Variants in SYT2 observed in about 807,000 individuals in gnomAD.
The protein encoded by SYT2 is synaptotagmin-2.
Under a neutral mutation model 39.9 loss-of-function variants are expected in SYT2, and 15 were observed. That is an observed-to-expected ratio of 0.38 (90% CI 0.25 to 0.58). The LOEUF (loss-of-function observed/expected upper bound fraction) is 0.58, where lower values mean the gene tolerates loss of function less well. Among genes scored for constraint, SYT2 ranks in the 20% least tolerant of loss-of-function variants. SYT2 has a pLI of 0.70. For missense variants in SYT2, 389 were observed against 530.3 expected, an observed-to-expected ratio of 0.73 and a Z score of 2.62; for synonymous variants, 181 against 204.5, an observed-to-expected ratio of 0.89 and a Z score of 0.98.
intron 1 of SYT2, among the ~76,000 whole-genome samples, chr1:202,612,911 T>C (rs2149077542): frequency 6.6e-6 from 1 of 152,236 alleles, no homozygotes; most frequent in South Asian, 2.1e-4. Flanking sequence ...TTGCACTTCT[T>C]TTGTTCCTAG....
At position 202,595,701 on chromosome 1, in the gene SYT2, G is replaced by A. The variant is rs1383070177; in HGVS notation, c.*1056C>T. 1 of 152,238 alleles carries A rather than the reference G, an allele frequency of 6.6e-6. No homozygotes were observed. The highest frequency in any genetic ancestry group is 1.5e-5 in the Non-Finnish European group (1 of 68,050). 9.4% of individuals were successfully genotyped at this position (152,238 alleles called of 1,614,324 possible). On this transcript the variant is annotated 3_prime_UTR_variant, in exon 9 of 9. Coordinates refer to ENST00000367268, the MANE Select transcript of SYT2 (RefSeq NM_177402.5). ...AGAGAAACAGAAGCAAAAGCACAATGGGGAATAAATGCAAATGAACTTGGC... is the reference window on the plus strand; with the variant it reads ...AGAGAAACAGAAGCAAAAGCACAATAGGGAATAAATGCAAATGAACTTGGC...
intron 4 of SYT2, 50 bp downstream of exon 4, chr1:202,602,949 C>T: frequency 6.3e-7 from 1 of 1,588,700 alleles, no homozygotes. Context: ...CCACCCAACT[C>T]CCAGGCCTCT....
intron 8 of SYT2, 22 bp from the exon 9 acceptor site, chr1:202,596,985 G>A (rs763536534): frequency 6.2e-7 from 1 of 1,605,938 alleles, no homozygotes; most frequent in Non-Finnish European, 8.5e-7. Flanking sequence ...ACGAGGGAGG[G>A]AGTTGGCAGA....
Position 202,604,456 on chromosome 1 carries a change from T to G in SYT2, c.344A>C (p.Gln115Pro). 6.2e-7 allele frequency: 1 copy of G among 1,614,110 alleles called. No homozygotes were observed. Among genetic ancestry groups the G allele is most frequent in the Non-Finnish European group, 8.5e-7 (1 of 1,179,950 alleles). ...AMNMKDMKGG[Q>P]DDDDAETGLT... Reference sequence around the variant, plus strand: ...CCCCTCACAACCAATGTGCCCTACCTGACCCCCTTTCATGTCCTTCATGTT... The same window carrying G: ...CCCCTCACAACCAATGTGCCCTACCGGACCCCCTTTCATGTCCTTCATGTT... The change falls in exon 3 of 9, where the codon CAG becomes CCG. Residue 115 changes from glutamine to proline, a missense_variant and splice_region_variant. This residue lies in a region of SYT2 where 280 missense variants were observed against 335.6 expected (regional missense o/e 0.83). Transcript: ENST00000367268.
intron 1 of SYT2, among the ~76,000 whole-genome samples, chr1:202,677,077 G>A (rs1653395855): frequency 6.6e-6 from 1 of 152,154 alleles, no homozygotes; most frequent in African/African-American, 2.4e-5. Flanking sequence ...CACGATTGTA[G>A]ATTTCCTGAG....
chr1:202,612,273 C>T (rs945059266), intron 1 of SYT2, among the ~76,000 whole-genome samples: 1 of 152,090 alleles, frequency 6.6e-6, no homozygotes, highest in East Asian at 1.9e-4. Flanking sequence ...CAATACCACA[C>T]TGATTTTTTT....
chr1:202,629,091 A>C lies in SYT2; in HGVS notation c.-17-23302T>G, dbSNP rs188327045. Among the ~76,000 whole-genome samples, 405 of 152,260 alleles carry C rather than the reference A, an allele frequency of 2.7e-3. 2 individuals are homozygous for C. The highest frequency in any genetic ancestry group is 9.2e-3 in the African/African-American group (381 of 41,542). ...GCACACAGGGATGGCTCCAGTGGAG[A>C]GGTGGGGCAGCCTCTCTGCTAACTC... On this transcript the variant is annotated intron_variant, in intron 1 of 8. Transcript: ENST00000367268.
intron 2 of SYT2, 59 bp from the exon 3 acceptor site, chr1:202,604,680 C>T (rs1690638076): frequency 4.5e-6 from 7 of 1,540,610 alleles, no homozygotes; most frequent in African/African-American, 2.7e-5. Flanking sequence ...CCCCTGACCC[C>T]GTAGCATTGG....
intron 1 of SYT2, among the ~76,000 whole-genome samples, chr1:202,701,943 C>T (rs1477185625): frequency 6.6e-6 from 1 of 152,204 alleles, no homozygotes; most frequent in Non-Finnish European, 1.5e-5. Flanking sequence ...TTGGTTTGAC[C>T]TAGGCCATCT....
Position 202,593,536 on chromosome 1 carries a change from A to C in SYT2, c.*3221T>G, listed in dbSNP as rs1308318233. The C allele has an allele frequency of 6.6e-6, 1 of 152,162 alleles. No individual in the cohort carries two copies. 9.4% of individuals were successfully genotyped at this position (152,162 alleles called of 1,614,324 possible). On this transcript the variant is annotated 3_prime_UTR_variant, in exon 9 of 9. Transcript: ENST00000367268. ...CTGAGACTGTGGCCTAATCCCTGCT[A>C]TCTCATCCTCTACTGAGGGACTCCA...
intron 1 of SYT2, chr1:202,630,355 G>T (rs1287840716): frequency 1.5e-5 from 15 of 984,918 alleles, no homozygotes; most frequent in Non-Finnish European, 1.8e-5. Flanking sequence ...CCCCAATAGA[G>T]CGCCGTGCAT....
chr1:202,682,753 C>T (rs984807876), intron 1 of SYT2, among the ~76,000 whole-genome samples: 8 of 151,862 alleles, frequency 5.3e-5, no homozygotes, highest in East Asian at 1.9e-4. Flanking sequence ...ACCCTAGATG[C>T]GGGGTGGACT....
chr1:202,710,295 T>C lies in SYT2; in HGVS notation c.-55A>G, dbSNP rs1324844791. The C allele has an allele frequency of 1.3e-5, 2 of 151,712 alleles. No individual in the cohort carries two copies. Among genetic ancestry groups the C allele is most frequent in the Non-Finnish European group, 2.9e-5 (2 of 67,942 alleles). 9.4% of individuals were successfully genotyped at this position (151,712 alleles called of 1,614,324 possible). A position where few individuals can be genotyped will look rare whatever the true frequency, so the allele number is the denominator to read the frequency against. ...CGAAGGAGGCGGGAGAGATCCGGGG[T>C]CTCCAATGTGAGGGGGCGTCGGACG... On this transcript the variant is annotated 5_prime_UTR_variant, in exon 1 of 9. Coordinates refer to ENST00000367268, the MANE Select transcript of SYT2 (RefSeq NM_177402.5).
At chr1:202,679,884 C>T (rs1465356170) in intron 1 of SYT2, among the ~76,000 whole-genome samples, 1 of 152,212 alleles carries the variant, frequency 6.6e-6, no homozygotes, top group African/African-American at 2.4e-5. Flanking sequence ...GCCCTCAATG[C>T]TGTGCCACAC....
rs1192566082 is a variant in SYT2, at chr1:202,591,619, C to G, written c.*5138G>C. On this transcript the variant is annotated 3_prime_UTR_variant, in exon 9 of 9. Transcript: ENST00000367268. The stretch of plus-strand genomic sequence containing the variant: ...GGGATCGCTGGTAGCCCTGAGGTTG[C>G]CCCGCTATTGGGCTGCTTTCTGTCA... The G allele has an allele frequency of 6.5e-6, 1 of 152,710 alleles. No individual in the cohort carries two copies. The highest frequency in any genetic ancestry group is 1.5e-5 in the Non-Finnish European group (1 of 68,422). The allele number at this position is 152,710 out of a possible 1,614,324, so 9.5% of individuals were successfully genotyped here.
intron 1 of SYT2, among the ~76,000 whole-genome samples, chr1:202,611,009 T>A (rs552759573): frequency 5.9e-5 from 9 of 152,220 alleles, no homozygotes; most frequent in African/African-American, 2.2e-4. Flanking sequence ...AGAGCCCGCA[T>A]TGCCAAGTCA....
chr1:202,609,510 T>G (rs1252521894), intron 1 of SYT2, among the ~76,000 whole-genome samples: 1 of 152,222 alleles, frequency 6.6e-6, no homozygotes, highest in Non-Finnish European at 1.5e-5. Context: ...CCACCAACAG[T>G]GTAAAAGTGT....
chr1:202,609,300 C>T (rs889678073), intron 1 of SYT2, among the ~76,000 whole-genome samples: 3 of 152,020 alleles, frequency 2.0e-5, no homozygotes, highest in Non-Finnish European at 2.9e-5. Context: ...TGGGTTGGTT[C>T]CAAGTCTTTG....
intron 1 of SYT2, among the ~76,000 whole-genome samples, chr1:202,673,743 C>T (rs1032066936): frequency 6.6e-6 from 1 of 152,226 alleles, no homozygotes; most frequent in Non-Finnish European, 1.5e-5. Flanking sequence ...TGGCTGTCTC[C>T]AGCCACCTCT....
Sources: gnomAD v4.1 joint callset for allele counts (sites outside exome capture counted in the v4.1 genomes callset) on GRCh38, gnomAD v4.1.1 for gene constraint, gnomAD v4.1.1 regional missense constraint, MANE v1.5 for transcripts, NCBI Gene and HGNC (gene_info 2026-07-23, HGNC 2026-07-21) for gene names.